Variants in CADPS2 observed in about 807,000 individuals in gnomAD.
CADPS2 encodes the protein calcium-dependent secretion activator 2.
A neutral mutation model predicts 172.5 loss-of-function variants in CADPS2; 93 were observed. The observed-to-expected ratio is 0.54, with a 90% CI of 0.46 to 0.64. The LOEUF (loss-of-function observed/expected upper bound fraction) is 0.64. CADPS2 is among the 30% of genes least tolerant of loss of function. The pLI is 0.00. For synonymous variants in CADPS2, 546 were observed against 555.2 expected (o/e 0.98, Z 0.23); for missense variants, 1,420 against 1,565.9 (o/e 0.91, Z 1.57).
intron 4 of CADPS2, among the ~76,000 whole-genome samples, chr7:122,624,967 C>T (rs2075940268): frequency 6.6e-6 from 1 of 152,106 alleles, no homozygotes; most frequent in African/African-American, 2.4e-5. Context: ...AGGGTTGCAG[C>T]TTTAAACGGG....
At chr7:122,615,334 GT>G in intron 5 of CADPS2, 35 bp from the exon 6 acceptor site, 1 of 1,341,280 alleles carries the variant, frequency 7.5e-7, no homozygotes, top group South Asian at 1.3e-5. Context: ...AATGCATCAA[GT>G]TGATAACATT....
chr7:122,827,055 T>G (rs894043825), intron 1 of CADPS2, among the ~76,000 whole-genome samples: 12 of 151,980 alleles, frequency 7.9e-5, no homozygotes, highest in East Asian at 3.9e-4. Context: ...GAGACAATAA[T>G]AAGAAGACAC....
intron 3 of CADPS2, among the ~76,000 whole-genome samples, chr7:122,645,408 T>C (rs368892311): frequency 1.1e-4 from 3 of 27,050 alleles, no homozygotes; most frequent in South Asian, 2.2e-3. Context: ...TATGTACATA[T>C]ACACACATGT....
At chr7:122,427,098 T>C (rs942760770) in intron 17 of CADPS2, 26 of 151,562 alleles carry the variant, frequency 1.7e-4, no homozygotes, top group Non-Finnish European at 3.2e-4. Context: ...AGGAACAAAC[T>C]GAAGAAGACA....
At chr7:122,416,899 A>C (rs1051504924) in intron 17 of CADPS2, among the ~76,000 whole-genome samples, 4 of 152,260 alleles carry the variant, frequency 2.6e-5, no homozygotes, top group Non-Finnish European at 5.9e-5. Flanking sequence ...ACAAGCTGGC[A>C]GAAATTAAAG....
chr7:122,621,836 AT>A (rs1331585914), intron 4 of CADPS2, 119 bp from the exon 5 acceptor site: 20 of 642,700 alleles, frequency 3.1e-5, no homozygotes, highest in Non-Finnish European at 5.3e-5. Flanking sequence ...CAATATATCT[AT>A]CCTACTTGAG....
chr7:122,354,254 T>C (rs1236902567), intron 27 of CADPS2: 1 of 152,176 alleles, frequency 6.6e-6, no homozygotes, highest in Admixed American at 6.6e-5. Flanking sequence ...CTAATTCCAT[T>C]CTAGGAACTG....
At chr7:122,575,665 G>A (rs779894625) in intron 7 of CADPS2, among the ~76,000 whole-genome samples, 1 of 152,080 alleles carries the variant, frequency 6.6e-6, no homozygotes, top group Non-Finnish European at 1.5e-5. Context: ...TCAAACTCCT[G>A]ACCTCAGGTG....
At chr7:122,650,099 C>G (rs972393168) in intron 3 of CADPS2, among the ~76,000 whole-genome samples, 2 of 150,924 alleles carry the variant, frequency 1.3e-5, no homozygotes, top group Non-Finnish European at 3.0e-5. Context: ...TTAGTAGAGA[C>G]AGGTTTCACC....
intron 3 of CADPS2, 29 bp from the exon 4 acceptor site, chr7:122,629,357 T>G (rs894521176): frequency 3.2e-6 from 5 of 1,560,902 alleles, no homozygotes; most frequent in Non-Finnish European, 8.7e-7. Flanking sequence ...GTTACACATA[T>G]GTAATTACTT....
chr7:122,672,399 G>A (rs1052921992), intron 2 of CADPS2, among the ~76,000 whole-genome samples: 8 of 152,126 alleles, frequency 5.3e-5, no homozygotes, highest in African/African-American at 1.9e-4. Context: ...TGCTGGTGTC[G>A]AAGCTGTCAT....
At chr7:122,337,703 G>C (rs1163525099) in intron 28 of CADPS2, among the ~76,000 whole-genome samples, 3 of 146,566 alleles carry the variant, frequency 2.0e-5, no homozygotes, top group African/African-American at 7.6e-5. Flanking sequence ...TAACTCAAAG[G>C]AACCAGACAG....
rs61292857 is a variant in CADPS2, at chr7:122,747,929, T to C, written c.340-10861A>G. ...CTCCTTCTTTCTGCTGCCCCCAAAT[T>C]ATGTCATCTTATCCTCTTTGTGCCA... On this transcript the variant is annotated intron_variant, in intron 1 of 29. Transcript: ENST00000449022. Among the ~76,000 whole-genome samples the C allele has an allele frequency of 7.1e-3, 1,074 of 152,234 alleles. 14 individuals are homozygous for C. The highest frequency in any genetic ancestry group is 0.025 in the African/African-American group (1,039 of 41,540).
At chr7:122,798,798 C>T (rs1796948128) in intron 1 of CADPS2, among the ~76,000 whole-genome samples, 1 of 152,036 alleles carries the variant, frequency 6.6e-6, no homozygotes, top group Admixed American at 6.5e-5. Flanking sequence ...TTTGAGTTTT[C>T]CTGAGCTCAC....
chr7:122,432,643 T>TAAAAAAAAAAAAAAAAA (rs57311950), intron 17 of CADPS2, among the ~76,000 whole-genome samples: 4 of 108,522 alleles, frequency 3.7e-5, no homozygotes, highest in African/African-American at 1.0e-4. Flanking sequence ...TCTGTTAAAA[T>TAAAAAAAAAAAAAAAAA]AAAAAAAAAA....
intron 3 of CADPS2, among the ~76,000 whole-genome samples, chr7:122,655,152 T>C (rs1463677900): frequency 6.6e-6 from 1 of 152,166 alleles, no homozygotes; most frequent in Non-Finnish European, 1.5e-5. Context: ...TGAAATCTAA[T>C]CCTAGTGAAG....
chr7:122,873,736 G>T (rs1364537397), intron 1 of CADPS2, among the ~76,000 whole-genome samples: 1 of 152,118 alleles, frequency 6.6e-6, no homozygotes, highest in African/African-American at 2.4e-5. Context: ...GATCCCAGAG[G>T]AATCATCACA....
chr7:122,459,852 A>G (rs534409157), intron 14 of CADPS2, among the ~76,000 whole-genome samples: 46 of 152,312 alleles, frequency 3.0e-4, no homozygotes, highest in African/African-American at 9.4e-4. Flanking sequence ...TTCTGCCCCA[A>G]TAGAGTTTAT....
At chr7:122,728,752 A>C (rs540163452) in intron 2 of CADPS2, among the ~76,000 whole-genome samples, 5 of 151,860 alleles carry the variant, frequency 3.3e-5, no homozygotes, top group African/African-American at 1.2e-4. Context: ...CTTTTGATAC[A>C]TTATATTTGT....
Sources: gnomAD v4.1 joint callset for allele counts (sites outside exome capture counted in the v4.1 genomes callset) on GRCh38, gnomAD v4.1.1 for gene constraint, MANE v1.5 for transcripts, NCBI Gene and HGNC (gene_info 2026-07-23, HGNC 2026-07-21) for gene names.